The following S100PBP variants were observed in gnomAD, a reference collection of about 807,000 sequenced individuals.
The protein encoded by S100PBP is S100P binding protein, also known as S100P-binding protein.
A neutral mutation model predicts 39.9 loss-of-function variants in S100PBP; 15 were observed. That is an observed-to-expected ratio of 0.38 (90% CI 0.25 to 0.58). The LOEUF (loss-of-function observed/expected upper bound fraction) is 0.58, where lower values mean the gene tolerates loss of function less well. Ranked by LOEUF, S100PBP falls within the 20% of genes least tolerant of loss-of-function variation. S100PBP has a pLI of 0.70. For missense variants in S100PBP, 504 were observed against 487.3 expected (o/e 1.03, Z -0.32); for synonymous variants, 178 against 180.3 (o/e 0.99, Z 0.10).
In S100PBP at chr1:32,856,859, G is replaced by C. The variant is rs1640834321; in HGVS notation, c.*821G>C. On this transcript the variant is annotated 3_prime_UTR_variant, in exon 7 of 7. Coordinates refer to ENST00000373475, the MANE Select transcript of S100PBP (RefSeq NM_022753.4). Reference sequence around the variant, plus strand: ...CTTTTTACCCCCCAGTGACCACTCTGCTCTTTAGGATTCTAGTGGCAGTAT... The same window carrying C: ...CTTTTTACCCCCCAGTGACCACTCTCCTCTTTAGGATTCTAGTGGCAGTAT... 6.6e-6 allele frequency: 1 copy of C among 152,182 alleles called. No individual in the cohort carries two copies. Among genetic ancestry groups the C allele is most frequent in the African/African-American group, 2.4e-5 (1 of 41,430 alleles). 9.4% of individuals were successfully genotyped at this position (152,182 alleles called of 1,614,324 possible).
intron 5 of S100PBP, among the ~76,000 whole-genome samples, chr1:32,837,586 T>G (rs1326001177): frequency 1.4e-5 from 2 of 146,764 alleles, no homozygotes; most frequent in Non-Finnish European, 3.0e-5. Context: ...AAAAAAAAGA[T>G]AATAAGCATA....
chr1:32,839,703 T>C (rs1640000302), intron 5 of S100PBP, among the ~76,000 whole-genome samples: 1 of 152,074 alleles, frequency 6.6e-6, no homozygotes, highest in Non-Finnish European at 1.5e-5. Context: ...AGAGACGGGG[T>C]CTCACTGTGT....
chr1:32,832,151 T>C (rs1402110458), intron 5 of S100PBP, among the ~76,000 whole-genome samples: 1 of 152,240 alleles, frequency 6.6e-6, no homozygotes. Flanking sequence ...AAAATTGGGA[T>C]AATGACAAGG....
chr1:32,841,416 G>A (rs1392370256), intron 5 of S100PBP, among the ~76,000 whole-genome samples: 1 of 151,812 alleles, frequency 6.6e-6, no homozygotes, highest in Non-Finnish European at 1.5e-5. Context: ...AGTAGATGAA[G>A]TAAGTTTAAT....
chr1:32,842,244 C>T (rs1343359812), intron 5 of S100PBP, among the ~76,000 whole-genome samples: 316 of 96,708 alleles, frequency 3.3e-3, no homozygotes, highest in East Asian at 3.7e-3. Context: ...TATACACACA[C>T]ACACACACAC....
chr1:32,845,889 C>T (rs1225832486), intron 5 of S100PBP, among the ~76,000 whole-genome samples: 7 of 150,974 alleles, frequency 4.6e-5, no homozygotes, highest in East Asian at 2.0e-4. Context: ...ATGTTGCCCA[C>T]GCTGGTCTCA....
At chr1:32,852,299 C>T (rs1207392038) in intron 5 of S100PBP, among the ~76,000 whole-genome samples, 1 of 150,868 alleles carries the variant, frequency 6.6e-6, no homozygotes, top group East Asian at 1.9e-4. Context: ...GACGACAGAG[C>T]AAGACTCTGT....
At chr1:32,849,259 C>T (rs1216393352) in intron 5 of S100PBP, among the ~76,000 whole-genome samples, 2 of 152,030 alleles carry the variant, frequency 1.3e-5, no homozygotes, top group Admixed American at 6.6e-5. Flanking sequence ...ATCCTCCCAC[C>T]TCAGCCCCCT....
rs1277269031 is a variant in S100PBP, at chr1:32,829,958, T to C, written c.921-6T>C. ...TTTTTCTTTTTTCTGGTTTGCTTTA[T>C]TCAAGGACTAATGTTCCGACGTTTT... On this transcript the variant is annotated splice_polypyrimidine_tract_variant and splice_region_variant and intron_variant, in intron 4 of 6. Coordinates refer to ENST00000373475, the MANE Select transcript of S100PBP (RefSeq NM_022753.4). The C allele has an allele frequency of 6.2e-7, 1 of 1,609,074 alleles. No individual in the cohort carries two copies. The highest frequency in any genetic ancestry group is 8.5e-7 in the Non-Finnish European group (1 of 1,175,886).
At position 32,825,833 on chromosome 1, in the gene S100PBP, T is replaced by C. The variant is rs1481566308; in HGVS notation, c.-2-265T>C. Among the ~76,000 whole-genome samples the C allele has an allele frequency of 2.6e-5, 4 of 152,256 alleles. No individual in the cohort carries two copies. In the East Asian group the frequency reaches 7.7e-4, roughly 29 times the overall value. ...TGACTTAACGCTTTTACTGATAGTG[T>C]GTGAATGCTCGTTTCTCCACATCCT... is the stretch of plus-strand genomic sequence containing the variant. On this transcript the variant is annotated intron_variant, in intron 2 of 6. Transcript: ENST00000373475.
At chr1:32,851,772 G>T (rs1040180853) in intron 5 of S100PBP, among the ~76,000 whole-genome samples, 6 of 152,164 alleles carry the variant, frequency 3.9e-5, no homozygotes, top group African/African-American at 1.4e-4. Context: ...GCCCTACCCA[G>T]ATCTGTAGTT....
At chr1:32,827,050 C>A in intron 3 of S100PBP, 120 bp downstream of exon 3, 1 of 662,856 alleles carries the variant, frequency 1.5e-6, no homozygotes, top group African/African-American at 1.8e-5. Context: ...TGTGGGCATC[C>A]TACACCACAG....
chr1:32,818,015 T>A (rs914649496), intron 1 of S100PBP: 4 of 152,676 alleles, frequency 2.6e-5, no homozygotes, highest in Non-Finnish European at 4.4e-5. Flanking sequence ...CCCGGCCGGC[T>A]CGGCGGGAGG....
chr1:32,827,577 G>A (rs1639387659), intron 3 of S100PBP, among the ~76,000 whole-genome samples: 1 of 151,900 alleles, frequency 6.6e-6, no homozygotes, highest in African/African-American at 2.4e-5. Flanking sequence ...CCCGCCTCTC[G>A]GGTTCAAGCA....
At chr1:32,850,802 T>G (rs1640577330) in intron 5 of S100PBP, among the ~76,000 whole-genome samples, 1 of 152,216 alleles carries the variant, frequency 6.6e-6, no homozygotes, top group Admixed American at 6.5e-5. Context: ...TCCTAAAAAG[T>G]GTTATGGTTA....
chr1:32,834,428 G>T (rs1351530587), intron 5 of S100PBP, among the ~76,000 whole-genome samples: 1 of 152,026 alleles, frequency 6.6e-6, no homozygotes, highest in Admixed American at 6.6e-5. Context: ...GTTTCTTGTG[G>T]TATCATTTAA....
At chr1:32,824,285 T>C (rs781228808) in intron 1 of S100PBP, among the ~76,000 whole-genome samples, 6 of 152,164 alleles carry the variant, frequency 3.9e-5, no homozygotes, top group Non-Finnish European at 7.4e-5. Flanking sequence ...TAGGGGAAAT[T>C]TTATAGTTAA....
At chr1:32,843,382 A>G (rs1219071313) in intron 5 of S100PBP, among the ~76,000 whole-genome samples, 2 of 151,668 alleles carry the variant, frequency 1.3e-5, no homozygotes, top group Admixed American at 1.3e-4. Context: ...ACTGGAGTGC[A>G]GTGGCGTGAT....
Position 32,826,176 on chromosome 1 carries a change from G to A in S100PBP, c.77G>A (p.Trp26Ter). ...LLPKDGAPFS[W>*]DSLDEDGLDD... ...CCTAAAGACGGTGCCCCATTTTCTT[G>A]GGATTCCTTGGATGAGGATGGATTG... is the stretch of plus-strand genomic sequence containing the variant. Residue 26 changes from tryptophan (W) to a stop codon, truncating the protein, a stop_gained, in exon 3 of 7, where the codon TGG becomes TAG. Transcript: ENST00000373475. LOFTEE classifies it high-confidence loss of function. 6.2e-7 allele frequency: 1 copy of A among 1,614,084 alleles called. No homozygotes were observed. The highest frequency in any genetic ancestry group is 8.5e-7 in the Non-Finnish European group (1 of 1,180,004).
Sources: allele counts gnomAD v4.1 joint callset (sites outside exome capture counted in the v4.1 genomes callset), GRCh38; gene constraint gnomAD v4.1.1; transcripts MANE v1.5; gene names NCBI Gene and HGNC (gene_info 2026-07-23, HGNC 2026-07-21).